FOXO3B: variants seen among roughly 807,000 people sequenced by gnomAD.
FOXO3B encodes forkhead box O3B, also known as forkhead box protein O3B.
FOXO3B carries 15 observed loss-of-function variants against 21.9 expected under a neutral mutation model. That is an observed-to-expected ratio of 0.68 (90% CI 0.46 to 1.05). The LOEUF is 1.05. Among genes scored for constraint, FOXO3B ranks in the 50% least tolerant of loss-of-function variants. FOXO3B has a pLI of 0.00. For missense variants in FOXO3B, 293 were observed against 435.5 expected, an observed-to-expected ratio of 0.67 and a Z score of 2.91; for synonymous variants, 135 against 213.6, an observed-to-expected ratio of 0.63 and a Z score of 3.21.
At position 18,667,754 on chromosome 17, in the gene FOXO3B, G is replaced by A. The variant is rs1449842561; in HGVS notation, c.*4555C>T. On this transcript the variant is annotated 3_prime_UTR_variant, in exon 4 of 4. Coordinates refer to ENST00000395675, the MANE Select transcript of FOXO3B (RefSeq NM_001368135.1). Reference sequence around the variant, plus strand: ...ACAGGTATCAGGTTCTGGAGCCCTGGAGAGAACAGCAGATCCCAAGAGCGC... The same window carrying A: ...ACAGGTATCAGGTTCTGGAGCCCTGAAGAGAACAGCAGATCCCAAGAGCGC... The A allele has an allele frequency of 6.6e-6, 1 of 151,936 alleles. No individual in the cohort carries two copies. Among genetic ancestry groups the A allele is most frequent in the Non-Finnish European group, 1.5e-5 (1 of 67,990 alleles). The allele number at this position is 151,936 out of a possible 1,614,324, so 9.4% of individuals were successfully genotyped here. A position where few individuals can be genotyped will look rare whatever the true frequency, so the allele number is the denominator to read the frequency against.
Position 18,671,084 on chromosome 17 carries a change from G to A in FOXO3B, c.*1225C>T, listed in dbSNP as rs1439287881. On this transcript the variant is annotated 3_prime_UTR_variant, in exon 4 of 4. Coordinates refer to ENST00000395675, the MANE Select transcript of FOXO3B (RefSeq NM_001368135.1). ...CACATTCCAAGCTCCCATTGAACAT[G>A]TCCAGGTCCAAGTCGCTGGGGAACT... 1.4e-5 allele frequency: 13 copies of A among 962,802 alleles called. No individual in the cohort carries two copies. Among genetic ancestry groups the A allele is most frequent in the Non-Finnish European group, 2.1e-5 (13 of 608,126 alleles). 59.6% of individuals were successfully genotyped at this position (962,802 alleles called of 1,614,324 possible).
chr17:18,677,623 C>T, intron 3 of FOXO3B: 2 of 1,608,426 alleles, frequency 1.2e-6, no homozygotes, highest in Non-Finnish European at 1.7e-6. Flanking sequence ...ACTGCAGCTT[C>T]CTCCACCGAC....
Position 18,677,369 on chromosome 17 carries a change from G to C in FOXO3B, c.126+3372C>G. ...ACCCGAACTTGGGCGCCAATGGCGAGATGTGCGTCAACGTGCTCAAGAGGG... is the reference window on the plus strand; with the variant it reads ...ACCCGAACTTGGGCGCCAATGGCGACATGTGCGTCAACGTGCTCAAGAGGG... On this transcript the variant is annotated intron_variant, in intron 3 of 3. Coordinates refer to ENST00000395675, the MANE Select transcript of FOXO3B (RefSeq NM_001368135.1). 1.9e-6 allele frequency: 3 copies of C among 1,613,358 alleles called. No homozygotes were observed. In the South Asian group the frequency reaches 3.3e-5, roughly 18 times the overall value.
At chr17:18,681,329 A>G (rs1333258757) in intron 2 of FOXO3B, 4 of 422,126 alleles carry the variant, frequency 9.5e-6, no homozygotes, top group African/African-American at 6.9e-5. Flanking sequence ...TCTCCTATGT[A>G]AAACAAAACA....
rs2032367918 is a variant in FOXO3B at position 18,671,708 on chromosome 17, T to A, written c.*601A>T. 2.5e-6 allele frequency: 4 copies of A among 1,613,130 alleles called. No individual in the cohort carries two copies. The highest frequency in any genetic ancestry group is 3.4e-6 in the Non-Finnish European group (4 of 1,179,894). On this transcript the variant is annotated 3_prime_UTR_variant, in exon 4 of 4. Transcript: ENST00000395675. ...GGAAGCTAGAACTCCGCTGCATGAG[T>A]CCCCCAGTGGGCGATGGCTGGGATG...
At chr17:18,673,938 CTG>C (rs1345410424) in intron 3 of FOXO3B, among the ~76,000 whole-genome samples, 3 of 147,974 alleles carry the variant, frequency 2.0e-5, no homozygotes, top group Non-Finnish European at 2.9e-5. Flanking sequence ...GATGTAAAGA[CTG>C]TGCGTAGATT....
chr17:18,670,803 C>T lies in FOXO3B; in HGVS notation c.*1506G>A. 3 of 1,219,804 alleles carry T rather than the reference C, an allele frequency of 2.5e-6. No individual in the cohort carries two copies. Among genetic ancestry groups the T allele is most frequent in the Non-Finnish European group, 3.5e-6 (3 of 857,860 alleles). 75.6% of individuals were successfully genotyped at this position (1,219,804 alleles called of 1,614,324 possible). A position where few individuals can be genotyped will look rare whatever the true frequency, so the allele number is the denominator to read the frequency against. ...AGGTGTTAAGCTGTAAACGGTATCA[C>T]TGTCCACTTGCTGAGAGCAGATTTG... On this transcript the variant is annotated 3_prime_UTR_variant, in exon 4 of 4. Coordinates refer to ENST00000395675, the MANE Select transcript of FOXO3B (RefSeq NM_001368135.1).
At chr17:18,674,296 T>C (rs1389342504) in intron 3 of FOXO3B, among the ~76,000 whole-genome samples, 1 of 152,012 alleles carries the variant, frequency 6.6e-6, no homozygotes, top group Admixed American at 6.6e-5. Context: ...ACACTTTTTA[T>C]ACAAACTTTT....
intron 3 of FOXO3B, chr17:18,677,157 G>T: frequency 1.1e-6 from 1 of 932,014 alleles, no homozygotes; most frequent in Non-Finnish European, 1.6e-6. Context: ...TCTGCTGCTG[G>T]GAATGTAATT....
In FOXO3B at chr17:18,671,827, A is replaced by G. The variant is rs9635681; in HGVS notation, c.*482T>C. 492,406 of 1,414,160 alleles carry G rather than the reference A, an allele frequency of 0.35. 102,179 individuals are homozygous for G. Among genetic ancestry groups the G allele is most frequent in the Middle Eastern group, 0.43 (2,423 of 5,594 alleles). 87.6% of individuals were successfully genotyped at this position (1,414,160 alleles called of 1,614,324 possible). A position where few individuals can be genotyped will look rare whatever the true frequency, so the allele number is the denominator to read the frequency against. On this transcript the variant is annotated 3_prime_UTR_variant, in exon 4 of 4. Transcript: ENST00000395675. ...GGTGCCTGCCATGTCAGTCAGCCGT[A>G]GCAGTTCCACCGTGCACGGCTTGCT...
intron 3 of FOXO3B, chr17:18,677,606 C>A: frequency 6.2e-7 from 1 of 1,606,500 alleles, no homozygotes; most frequent in Non-Finnish European, 8.5e-7. Context: ...GGGCCCTGGC[C>A]AGTGGCACTG....
chr17:18,672,158 T>C lies in FOXO3B; in HGVS notation c.*151A>G. On this transcript the variant is annotated 3_prime_UTR_variant, in exon 4 of 4. Coordinates refer to ENST00000395675, the MANE Select transcript of FOXO3B (RefSeq NM_001368135.1). The surrounding 1 kb of genome is among the most constrained non-coding windows in gnomAD (Gnocchi z 4.2). ...CCACGGCTCTTGGTATACTTGTTGC[T>C]ATTGTCCATGGAGACAGCCCGCCGC... 1 of 1,612,874 alleles carries C rather than the reference T, an allele frequency of 6.2e-7. No homozygotes were observed. The highest frequency in any genetic ancestry group is 8.5e-7 in the Non-Finnish European group (1 of 1,179,316).
chr17:18,677,793 C>A (rs1379171886), intron 3 of FOXO3B: 2 of 1,366,864 alleles, frequency 1.5e-6, no homozygotes, highest in Non-Finnish European at 2.0e-6. Context: ...GTGACCCCAA[C>A]CTCTCCTGTC....
At chr17:18,677,986 A>G (rs1271917297) in intron 3 of FOXO3B, among the ~76,000 whole-genome samples, 1 of 151,578 alleles carries the variant, frequency 6.6e-6, no homozygotes, top group Non-Finnish European at 1.5e-5. Flanking sequence ...ATCACTAAGT[A>G]GCCCCTAAGT....
chr17:18,676,890 A>T (rs1159250675), intron 3 of FOXO3B, among the ~76,000 whole-genome samples: 1 of 152,164 alleles, frequency 6.6e-6, no homozygotes, highest in East Asian at 1.9e-4. Flanking sequence ...TGTAGTAGAG[A>T]CGGGGTTTCA....
At chr17:18,676,628 G>T (rs1028884219) in intron 3 of FOXO3B, among the ~76,000 whole-genome samples, 3 of 151,982 alleles carry the variant, frequency 2.0e-5, no homozygotes, top group African/African-American at 7.3e-5. Context: ...ACACCGAAAT[G>T]ATTCACACCA....
intron 3 of FOXO3B, among the ~76,000 whole-genome samples, chr17:18,676,627 T>C (rs2032488459): frequency 6.6e-6 from 1 of 152,072 alleles, no homozygotes. Flanking sequence ...AACACCGAAA[T>C]GATTCACACC....
chr17:18,677,144 T>G (rs537086831), intron 3 of FOXO3B: 1 of 846,408 alleles, frequency 1.2e-6, no homozygotes, highest in South Asian at 1.8e-5. Flanking sequence ...AGAACGCACA[T>G]ATTCTGCTGC....
chr17:18,674,042 T>C (rs1360501143), intron 3 of FOXO3B, among the ~76,000 whole-genome samples: 1 of 151,958 alleles, frequency 6.6e-6, no homozygotes, highest in African/African-American at 2.4e-5. Context: ...AGACTTATTT[T>C]AGACATTCAG....
Sources: allele counts gnomAD v4.1 joint callset (sites outside exome capture counted in the v4.1 genomes callset), GRCh38; gene constraint gnomAD v4.1.1; non-coding constraint Gnocchi (gnomAD v3.1); transcripts MANE v1.5; gene names NCBI Gene and HGNC (gene_info 2026-07-23, HGNC 2026-07-21).